ALCAM: variants seen among roughly 807,000 people sequenced by gnomAD.
The protein encoded by ALCAM is activated leukocyte cell adhesion molecule, also known as CD166 antigen.
In ALCAM, 30 loss-of-function variants were observed where a neutral mutation model predicts 70.9. That is an observed-to-expected ratio of 0.42 (90% confidence interval 0.32 to 0.57). The LOEUF (loss-of-function observed/expected upper bound fraction) is 0.57. ALCAM is among the 20% of genes least tolerant of loss of function. The probability of loss-of-function intolerance (pLI) is 0.11; values close to 1 mark genes in which losing one functional copy is unlikely to be tolerated. For synonymous variants in ALCAM, 249 were observed against 242.5 expected, an observed-to-expected ratio of 1.03 and a Z score of -0.25; for missense variants, 591 against 695.1, an observed-to-expected ratio of 0.85 and a Z score of 1.68.
chr3:105,439,451 A>G (rs1032467403), intron 1 of ALCAM: 4 of 152,156 alleles, frequency 2.6e-5, no homozygotes, highest in African/African-American at 7.2e-5. Flanking sequence ...TATTTTTCAT[A>G]TATAGAAAGT....
intron 1 of ALCAM, among the ~76,000 whole-genome samples, chr3:105,370,294 AAT>A: frequency 6.6e-6 from 1 of 152,242 alleles, no homozygotes; most frequent in East Asian, 1.9e-4. Context: ...TTTAACAGCC[AAT>A]ATATATATAT....
chr3:105,461,103 A>G (rs1481640398), intron 1 of ALCAM, among the ~76,000 whole-genome samples: 3 of 151,604 alleles, frequency 2.0e-5, no homozygotes, highest in African/African-American at 7.3e-5. Context: ...CATATCTCAC[A>G]TGTTCCAGAC....
chr3:105,517,975 CACT>C (rs1324931067), intron 1 of ALCAM, among the ~76,000 whole-genome samples: 1 of 152,012 alleles, frequency 6.6e-6, no homozygotes, highest in Non-Finnish European at 1.5e-5. Context: ...CATGCCAATA[CACT>C]ATGTATTTGA....
intron 1 of ALCAM, among the ~76,000 whole-genome samples, chr3:105,500,851 A>G (rs891004599): frequency 6.6e-6 from 1 of 152,206 alleles, no homozygotes; most frequent in Non-Finnish European, 1.5e-5. Flanking sequence ...TAACAGAAAT[A>G]TTTCCTACAG....
intron 14 of ALCAM, among the ~76,000 whole-genome samples, chr3:105,569,401 G>A (rs2152635858): frequency 6.6e-6 from 1 of 152,140 alleles, no homozygotes; most frequent in African/African-American, 2.4e-5. Flanking sequence ...ATAGTTATTA[G>A]GATATATAGT....
In ALCAM at chr3:105,486,025, T is replaced by C. The variant is rs570520876; in HGVS notation, c.74-34042T>C. On this transcript the variant is annotated intron_variant, in intron 1 of 15. Transcript: ENST00000306107. Reference sequence around the variant, plus strand: ...ATCAGATTTCTTCATAGAAAGTTATTGGTATGAAACTTTTTGGATTAAACA... The same window carrying C: ...ATCAGATTTCTTCATAGAAAGTTATCGGTATGAAACTTTTTGGATTAAACA... Among the ~76,000 whole-genome samples, 23 of 152,234 alleles carry C rather than the reference T, an allele frequency of 1.5e-4. No homozygotes were observed. In the South Asian group the frequency reaches 4.6e-3, roughly 30 times the overall value.
Position 105,576,874 on chromosome 3 carries a change from A to C in ALCAM, c.*2423A>C, listed in dbSNP as rs554698744. ...ATTAACATACCCGTCTATGCCTAAAAGATAATAAAACTGAAATATGTCTTC... is the reference window on the plus strand; with the variant it reads ...ATTAACATACCCGTCTATGCCTAAACGATAATAAAACTGAAATATGTCTTC... On this transcript the variant is annotated 3_prime_UTR_variant, in exon 16 of 16. Coordinates refer to ENST00000306107, the MANE Select transcript of ALCAM (RefSeq NM_001627.4). 2.0e-5 allele frequency: 3 copies of C among 152,214 alleles called. No individual in the cohort carries two copies. Among genetic ancestry groups the C allele is most frequent in the Non-Finnish European group, 2.9e-5 (2 of 68,046 alleles). 9.4% of individuals were successfully genotyped at this position (152,214 alleles called of 1,614,324 possible).
At chr3:105,496,865 T>A (rs1196321159) in intron 1 of ALCAM, among the ~76,000 whole-genome samples, 1 of 150,870 alleles carries the variant, frequency 6.6e-6, no homozygotes, top group Non-Finnish European at 1.5e-5. Flanking sequence ...TGCATGCGTG[T>A]GTGTGTGTGT....
intron 1 of ALCAM, among the ~76,000 whole-genome samples, chr3:105,408,008 C>T (rs1020426392): frequency 4.0e-5 from 6 of 151,774 alleles, no homozygotes; most frequent in Non-Finnish European, 5.9e-5. Context: ...TAACTAAGGA[C>T]GTGAAAGACC....
chr3:105,413,413 T>C (rs1457422822), intron 1 of ALCAM, among the ~76,000 whole-genome samples: 1 of 152,108 alleles, frequency 6.6e-6, no homozygotes. Context: ...GAATAGAAAA[T>C]AGTGTCTCCA....
chr3:105,449,618 A>T (rs1167307253), intron 1 of ALCAM, among the ~76,000 whole-genome samples: 2 of 152,148 alleles, frequency 1.3e-5, no homozygotes, highest in Admixed American at 1.3e-4. Flanking sequence ...TTGCACTACC[A>T]CCCTATTCAT....
chr3:105,517,304 A>C (rs1939409797), intron 1 of ALCAM, among the ~76,000 whole-genome samples: 1 of 152,102 alleles, frequency 6.6e-6, no homozygotes, highest in African/African-American at 2.4e-5. Context: ...TATGGCTTCT[A>C]ACATGCCATC....
chr3:105,407,084 A>G (rs1358132481), intron 1 of ALCAM, among the ~76,000 whole-genome samples: 1 of 152,162 alleles, frequency 6.6e-6, no homozygotes, highest in Non-Finnish European at 1.5e-5. Context: ...CAACAAAAAA[A>G]AGTCCAGGAC....
chr3:105,555,242 A>G (rs1940491116), intron 14 of ALCAM, among the ~76,000 whole-genome samples: 1 of 152,006 alleles, frequency 6.6e-6, no homozygotes, highest in Non-Finnish European at 1.5e-5. Context: ...CATCTAAATA[A>G]CTGTTACCTA....
At chr3:105,469,122 A>G (rs892579650) in intron 1 of ALCAM, among the ~76,000 whole-genome samples, 5 of 151,010 alleles carry the variant, frequency 3.3e-5, no homozygotes, top group African/African-American at 7.3e-5. Context: ...ATTGTGAATT[A>G]TTGTAGAGAC....
chr3:105,458,345 A>C (rs1450184607), intron 1 of ALCAM, among the ~76,000 whole-genome samples: 1 of 152,194 alleles, frequency 6.6e-6, no homozygotes, highest in African/African-American at 2.4e-5. Flanking sequence ...CTGTCAATGG[A>C]ACTGGGTATG....
At position 105,428,181 on chromosome 3, in the gene ALCAM, A is replaced by G. The variant is rs181819808; in HGVS notation, c.73+60700A>G. On this transcript the variant is annotated intron_variant, in intron 1 of 15. Transcript: ENST00000306107. The stretch of plus-strand genomic sequence containing the variant: ...ATGACTGAGTAAATATTATCATGCA[A>G]TTTTAGAATTAGAAGTTTAGATGTT... 1.6e-3 allele frequency among the ~76,000 whole-genome samples: 244 copies of G among 152,032 alleles called. 1 individual carries two copies. The highest frequency in any genetic ancestry group is 5.7e-3 in the African/African-American group (237 of 41,516).
intron 14 of ALCAM, among the ~76,000 whole-genome samples, chr3:105,566,810 G>T (rs946164329): frequency 6.6e-6 from 1 of 151,990 alleles, no homozygotes; most frequent in Admixed American, 6.5e-5. Flanking sequence ...ATATTAAACT[G>T]TTAGTTGTCT....
intron 12 of ALCAM, among the ~76,000 whole-genome samples, chr3:105,551,378 G>A (rs1940402300): frequency 6.6e-6 from 1 of 151,530 alleles, no homozygotes; most frequent in Admixed American, 6.6e-5. Context: ...AGGCCTTGCA[G>A]TGACTTTATC....
Sources: allele counts gnomAD v4.1 joint callset (sites outside exome capture counted in the v4.1 genomes callset), GRCh38; gene constraint gnomAD v4.1.1; transcripts MANE v1.5; gene names NCBI Gene and HGNC (gene_info 2026-07-23, HGNC 2026-07-21).